ZFHX3: variants seen among roughly 807,000 people sequenced by gnomAD.
The protein encoded by ZFHX3 is zinc finger homeobox 3, also known as zinc finger homeobox protein 3.
A neutral mutation model predicts 279.1 loss-of-function variants in ZFHX3; 42 were observed. That is an observed-to-expected ratio of 0.15 (90% CI 0.12 to 0.19). ZFHX3 has a LOEUF of 0.19. Among genes scored for constraint, ZFHX3 ranks in the 10% least tolerant of loss-of-function variants. The pLI is 1.00. For synonymous variants in ZFHX3, 2,293 were observed against 1,957.8 expected (o/e 1.17, Z -4.52); for missense variants, 4,981 against 4,754.0 (o/e 1.05, Z -1.40).
intron 9 of ZFHX3, chr16:72,789,873 A>T (rs1463914852): frequency 6.6e-6 from 1 of 152,286 alleles, no homozygotes; most frequent in Non-Finnish European, 1.5e-5. Flanking sequence ...AAACAACCGC[A>T]GGAAAAGCAG....
intron 3 of ZFHX3, among the ~76,000 whole-genome samples, chr16:73,451,765 T>C (rs1218760338): frequency 6.6e-6 from 1 of 152,184 alleles, no homozygotes; most frequent in Non-Finnish European, 1.5e-5. Context: ...AGAATTTTTT[T>C]AAAAAACGGA....
chr16:73,767,095 C>T (rs1228088185), intron 1 of ZFHX3, among the ~76,000 whole-genome samples: 1 of 152,040 alleles, frequency 6.6e-6, no homozygotes, highest in Admixed American at 6.6e-5. Context: ...ATCACCACGC[C>T]TGGCTCATTT....
intron 3 of ZFHX3, among the ~76,000 whole-genome samples, chr16:73,356,072 G>A (rs2016335733): frequency 6.6e-6 from 1 of 152,128 alleles, no homozygotes; most frequent in Admixed American, 6.5e-5. Flanking sequence ...ATAACATCAA[G>A]GCTTCAGAAT....
intron 3 of ZFHX3, among the ~76,000 whole-genome samples, chr16:73,347,229 C>CCTG (rs1217700448): frequency 2.6e-5 from 4 of 152,244 alleles, no homozygotes; most frequent in African/African-American, 4.8e-5. Context: ...CCTGACACAG[C>CCTG]AGGGCCCACA....
chr16:73,058,592 A>C, exon 1 of ZFHX3: 1 of 220,616 alleles, frequency 4.5e-6, no homozygotes, highest in Non-Finnish European at 8.4e-6. Flanking sequence ...CGGCGGCGGG[A>C]GCTGGCGGCG....
chr16:73,482,420 C>T (rs1490234957), intron 2 of ZFHX3, among the ~76,000 whole-genome samples: 1 of 152,176 alleles, frequency 6.6e-6, no homozygotes, highest in Non-Finnish European at 1.5e-5. Flanking sequence ...ATCGGCCCTT[C>T]ACATCCCTTC....
At chr16:72,994,463 C>G (rs1597067393) in intron 1 of ZFHX3, among the ~76,000 whole-genome samples, 1 of 152,190 alleles carries the variant, frequency 6.6e-6, no homozygotes, top group African/African-American at 2.4e-5. Context: ...GAAATTGAGT[C>G]CATATTGAGT....
intron 2 of ZFHX3, among the ~76,000 whole-genome samples, chr16:73,621,361 C>T (rs1182433324): frequency 6.6e-6 from 1 of 152,174 alleles, no homozygotes; most frequent in Non-Finnish European, 1.5e-5. Context: ...AAATGTTTCA[C>T]CTTAAATGAA....
At chr16:73,660,508 T>A (rs184630596) in intron 2 of ZFHX3, among the ~76,000 whole-genome samples, 18 of 152,316 alleles carry the variant, frequency 1.2e-4, no homozygotes, top group Non-Finnish European at 1.5e-5. Flanking sequence ...CAATTAAGAA[T>A]CATGTTAATC....
chr16:73,159,593 C>T (rs1048021706), intron 5 of ZFHX3, among the ~76,000 whole-genome samples: 2 of 152,116 alleles, frequency 1.3e-5, no homozygotes, highest in Non-Finnish European at 2.9e-5. Context: ...TTATCCATCT[C>T]GGTCAAGCCA....
At chr16:73,562,282 T>A (rs1374742907) in intron 2 of ZFHX3, among the ~76,000 whole-genome samples, 1 of 152,102 alleles carries the variant, frequency 6.6e-6, no homozygotes, top group African/African-American at 2.4e-5. Flanking sequence ...AGGGCCACAG[T>A]GGTGTGTCCA....
chr16:73,302,330 C>A (rs1349205954), intron 4 of ZFHX3, among the ~76,000 whole-genome samples: 1 of 152,018 alleles, frequency 6.6e-6, no homozygotes, highest in Admixed American at 6.6e-5. Flanking sequence ...ATTCAATTGG[C>A]TTGCCCAGCA....
intron 1 of ZFHX3, among the ~76,000 whole-genome samples, chr16:73,006,405 T>C (rs1329943674): frequency 6.6e-6 from 1 of 152,042 alleles, no homozygotes; most frequent in Non-Finnish European, 1.5e-5. Flanking sequence ...GGAGGATAAC[T>C]TGAGGCCAGG....
chr16:73,712,730 G>A (rs1244512897), intron 1 of ZFHX3, among the ~76,000 whole-genome samples: 1 of 152,184 alleles, frequency 6.6e-6, no homozygotes, highest in African/African-American at 2.4e-5. Context: ...CAGCATCAGT[G>A]TTCTGCAAAA....
At chr16:73,509,044 C>T (rs1490506685) in intron 2 of ZFHX3, among the ~76,000 whole-genome samples, 2 of 152,166 alleles carry the variant, frequency 1.3e-5, no homozygotes, top group South Asian at 2.1e-4. Flanking sequence ...TAGAGAAATG[C>T]GTGTGCACAA....
intron 4 of ZFHX3, among the ~76,000 whole-genome samples, chr16:73,278,386 T>C (rs932681752): frequency 6.6e-6 from 1 of 152,198 alleles, no homozygotes; most frequent in Non-Finnish European, 1.5e-5. Context: ...GCTTGCTTGC[T>C]TGTAATGTGT....
chr16:73,635,255 G>A (rs1220944972), intron 2 of ZFHX3, among the ~76,000 whole-genome samples: 3 of 152,168 alleles, frequency 2.0e-5, no homozygotes, highest in Middle Eastern at 3.2e-3. Context: ...ATTTTTACTG[G>A]TGGGAATAGG....
chr16:73,142,560 G>A (rs1198869469), intron 6 of ZFHX3, among the ~76,000 whole-genome samples: 1 of 152,162 alleles, frequency 6.6e-6, no homozygotes, highest in Admixed American at 6.5e-5. Context: ...ATAAACAGTA[G>A]TCACATAAAG....
intron 2 of ZFHX3, among the ~76,000 whole-genome samples, chr16:73,617,218 T>C (rs574072550): frequency 2.6e-5 from 4 of 152,232 alleles, no homozygotes; most frequent in Non-Finnish European, 5.9e-5. Flanking sequence ...GTAATTGATA[T>C]GACGGGCTGC....
Sources: allele counts gnomAD v4.1 joint callset (sites outside exome capture counted in the v4.1 genomes callset), GRCh38; gene constraint gnomAD v4.1.1; transcripts MANE v1.5; gene names NCBI Gene and HGNC (gene_info 2026-07-23, HGNC 2026-07-21).